Variants in TRAPPC9 observed in about 807,000 individuals in gnomAD.
The protein encoded by TRAPPC9 is IKK2 binding protein.
A neutral mutation model predicts 124.0 loss-of-function variants in TRAPPC9; 83 were observed. The observed-to-expected ratio is 0.67, with a 90% CI of 0.56 to 0.80. TRAPPC9 has a LOEUF of 0.80. TRAPPC9 is among the 30% of genes least tolerant of loss of function. The probability of loss-of-function intolerance (pLI) is 0.00; values close to 1 mark genes in which losing one functional copy is unlikely to be tolerated. For synonymous variants in TRAPPC9, 638 were observed against 617.5 expected (o/e 1.03, Z -0.49); for missense variants, 1,302 against 1,508.3 (o/e 0.86, Z 2.27).
intron 20 of TRAPPC9, chr8:139,904,470 G>C (rs553221022): frequency 5.9e-5 from 9 of 152,432 alleles, no homozygotes; most frequent in African/African-American, 2.2e-4. Context: ...TCTTCCAGCA[G>C]GAAACGGGCA....
chr8:140,130,080 C>T (rs11166954), intron 17 of TRAPPC9, among the ~76,000 whole-genome samples: 3 of 152,316 alleles, frequency 2.0e-5, no homozygotes, highest in South Asian at 2.1e-4. Context: ...GTGATGCCCA[C>T]GTGTCAGAAG....
chr8:140,294,108 G>A (rs75827379), intron 11 of TRAPPC9, among the ~76,000 whole-genome samples: 7,806 of 151,808 alleles, frequency 0.051, 331 homozygotes, highest in African/African-American at 0.12. Flanking sequence ...ACTGAGATTC[G>A]AACTCCAGTC....
intron 17 of TRAPPC9, among the ~76,000 whole-genome samples, chr8:140,083,993 G>C (rs927179114): frequency 6.6e-6 from 1 of 152,100 alleles, no homozygotes; most frequent in African/African-American, 2.4e-5. Context: ...GTTTGTTTAA[G>C]ATTCAGGATC....
At chr8:140,066,917 A>G in intron 17 of TRAPPC9, among the ~76,000 whole-genome samples, 1 of 152,216 alleles carries the variant, frequency 6.6e-6, no homozygotes, top group East Asian at 1.9e-4. Context: ...AGGCTCCTGC[A>G]TGTGAAGCCA....
intron 16 of TRAPPC9, among the ~76,000 whole-genome samples, chr8:140,249,897 C>A (rs1267166165): frequency 3.9e-5 from 6 of 152,082 alleles, no homozygotes; most frequent in African/African-American, 1.4e-4. Context: ...CGTGAGCCAC[C>A]GTGCCTGGCC....
chr8:140,378,310 C>T (rs1322231482), intron 7 of TRAPPC9, among the ~76,000 whole-genome samples: 3 of 152,112 alleles, frequency 2.0e-5, no homozygotes, highest in African/African-American at 4.8e-5. Flanking sequence ...ACATTTGACT[C>T]GGTGGGCTGG....
chr8:140,181,638 A>C (rs972925057), intron 17 of TRAPPC9, among the ~76,000 whole-genome samples: 4 of 151,972 alleles, frequency 2.6e-5, no homozygotes, highest in Admixed American at 2.6e-4. Flanking sequence ...TTCTTTTTCA[A>C]ATTAGCTTGC....
intron 17 of TRAPPC9, among the ~76,000 whole-genome samples, chr8:140,092,731 C>T (rs1436580799): frequency 1.3e-5 from 2 of 152,300 alleles, no homozygotes; most frequent in Non-Finnish European, 2.9e-5. Flanking sequence ...CATCTCACTA[C>T]GTGATCATCT....
At chr8:139,891,144 G>A (rs1374524921) in intron 20 of TRAPPC9, among the ~76,000 whole-genome samples, 2 of 152,178 alleles carry the variant, frequency 1.3e-5, no homozygotes, top group Admixed American at 6.5e-5. Flanking sequence ...GGCATTGCAG[G>A]GTTTCATTGC....
At chr8:140,249,055 G>T (rs74748600) in intron 16 of TRAPPC9, among the ~76,000 whole-genome samples, 2 of 151,970 alleles carry the variant, frequency 1.3e-5, no homozygotes, top group African/African-American at 4.8e-5. Flanking sequence ...TAGATTTAGC[G>T]GGTACGTGTT....
At chr8:139,862,977 C>T (rs73366219) in intron 21 of TRAPPC9, among the ~76,000 whole-genome samples, 1,691 of 152,350 alleles carry the variant, frequency 0.011, 25 homozygotes, top group African/African-American at 0.038. Flanking sequence ...CACAGGGATG[C>T]ACAGCCCCTC....
In TRAPPC9 at chr8:140,213,819, A is replaced by G. The variant is rs78480758; in HGVS notation, c.2556+7640T>C. 5.6e-3 allele frequency among the ~76,000 whole-genome samples: 850 copies of G among 152,356 alleles called. 7 individuals carry two copies. Among genetic ancestry groups the G allele is most frequent in the African/African-American group, 0.02 (824 of 41,588 alleles). On this transcript the variant is annotated intron_variant, in intron 17 of 22. Transcript: ENST00000438773. ...CGTTAGGATTTCAAAACTGCTTTCC[A>G]GCAAGCTATAAGCAGGTGTGGAGTG... is the stretch of plus-strand genomic sequence containing the variant.
chr8:139,993,417 T>C (rs930608429), intron 18 of TRAPPC9, among the ~76,000 whole-genome samples: 13 of 152,086 alleles, frequency 8.5e-5, no homozygotes, highest in African/African-American at 2.9e-4. Flanking sequence ...GTACCAAGAG[T>C]TGGTCAAGCT....
chr8:140,111,814 T>C (rs1474749668), intron 17 of TRAPPC9, among the ~76,000 whole-genome samples: 2 of 152,234 alleles, frequency 1.3e-5, no homozygotes, highest in African/African-American at 4.8e-5. Context: ...TAGATTAACA[T>C]ACAGAAAACA....
chr8:140,361,334 G>A (rs751847075), intron 8 of TRAPPC9, among the ~76,000 whole-genome samples: 3 of 152,154 alleles, frequency 2.0e-5, no homozygotes, highest in Middle Eastern at 3.2e-3. Context: ...ATGCTGGGAC[G>A]AACACAAACA....
chr8:140,426,067 T>C (rs928859802), intron 5 of TRAPPC9, among the ~76,000 whole-genome samples: 1 of 152,244 alleles, frequency 6.6e-6, no homozygotes, highest in Admixed American at 6.5e-5. Flanking sequence ...TACCCTGTCA[T>C]TGTTTCTCAT....
rs35121401 is a variant in TRAPPC9 at position 140,444,035 on chromosome 8, CAAAAAAAAAA to C, written c.585-4848_585-4839del. ...TGGGCGACAGAGCTAGACTCCATCT[CAAAAAAAAAA>C]AAAAAAAAAAAAAAAGATTAGCCGG... On this transcript the variant is annotated intron_variant, in intron 2 of 22. Coordinates refer to ENST00000438773, the MANE Select transcript of TRAPPC9 (RefSeq NM_001160372.4). Among the ~76,000 whole-genome samples the C allele has an allele frequency of 3.9e-3, 159 of 40,930 alleles. 3 individuals carry two copies. In the East Asian group the frequency reaches 0.049, roughly 13 times the overall value. The allele number at this position is 40,930 out of a possible 152,430, so 26.9% of individuals were successfully genotyped here. A position where few individuals can be genotyped will look rare whatever the true frequency, so the allele number is the denominator to read the frequency against.
At chr8:140,311,902 G>A (rs1445432099) in intron 9 of TRAPPC9, among the ~76,000 whole-genome samples, 1 of 152,170 alleles carries the variant, frequency 6.6e-6, no homozygotes, top group Non-Finnish European at 1.5e-5. Flanking sequence ...TTCACAAGGA[G>A]GGAGGAAAAG....
intron 21 of TRAPPC9, among the ~76,000 whole-genome samples, chr8:139,837,834 C>T (rs1826459703): frequency 6.6e-6 from 1 of 152,234 alleles, no homozygotes; most frequent in East Asian, 1.9e-4. Context: ...CAGAGTCCAT[C>T]CAGTCGGCCC....
Sources: gnomAD v4.1 joint callset for allele counts (sites outside exome capture counted in the v4.1 genomes callset) on GRCh38, gnomAD v4.1.1 for gene constraint, MANE v1.5 for transcripts, NCBI Gene and HGNC (gene_info 2026-07-23, HGNC 2026-07-21) for gene names.